Variants in TASOR observed in about 807,000 individuals in gnomAD.
The protein encoded by TASOR is protein TASOR.
A neutral mutation model predicts 178.6 loss-of-function variants in TASOR; 53 were observed. The ratio of observed to expected loss-of-function variants is 0.30; its 90% confidence interval spans 0.24 to 0.37. TASOR has a LOEUF of 0.37. Among genes scored for constraint, TASOR ranks in the 10% least tolerant of loss-of-function variants. The probability of loss-of-function intolerance (pLI) is 1.00; values close to 1 mark genes in which losing one functional copy is unlikely to be tolerated. For missense variants in TASOR, 1,815 were observed against 1,971.4 expected, an observed-to-expected ratio of 0.92 and a Z score of 1.50; for synonymous variants, 713 against 696.2, an observed-to-expected ratio of 1.02 and a Z score of -0.38.
At position 56,627,574 on chromosome 3, in the gene TASOR, C is replaced by T. The variant is rs765692614; in HGVS notation, c.4030+8G>A. ...AGGAGTTACGTGCTCAAAAGAACATCATCTTACCAACTGTGACAACCTCTG... is the reference window on the plus strand; with the variant it reads ...AGGAGTTACGTGCTCAAAAGAACATTATCTTACCAACTGTGACAACCTCTG... On this transcript the variant is annotated splice_region_variant and intron_variant, in intron 20 of 23. Coordinates refer to ENST00000683822, the MANE Select transcript of TASOR (RefSeq NM_001365635.2). 4 of 1,613,502 alleles carry T rather than the reference C, an allele frequency of 2.5e-6. No homozygotes were observed. Among genetic ancestry groups the T allele is most frequent in the Non-Finnish European group, 3.4e-6 (4 of 1,179,886 alleles).
chr3:56,648,716 G>C, intron 13 of TASOR, 106 bp downstream of exon 13: 1 of 619,186 alleles, frequency 1.6e-6, no homozygotes, highest in South Asian at 2.4e-5. Flanking sequence ...AGTATTTCCT[G>C]AAACATGAGG....
intron 20 of TASOR, 61 bp downstream of exon 20, chr3:56,627,521 G>T: frequency 6.5e-7 from 1 of 1,545,954 alleles, no homozygotes; most frequent in Non-Finnish European, 8.9e-7. Flanking sequence ...TAAATGGACA[G>T]TACATTAAAA....
chr3:56,622,977 A>T lies in TASOR; in HGVS notation c.*60T>A. ...ACAAGAACCTTTTGTTTAGAGAATG[A>T]AATATAAATTGTTAATAAACAAAGT... On this transcript the variant is annotated 3_prime_UTR_variant, in exon 24 of 24. Coordinates refer to ENST00000683822, the MANE Select transcript of TASOR (RefSeq NM_001365635.2). The T allele has an allele frequency of 8.8e-7, 1 of 1,132,516 alleles. No individual in the cohort carries two copies. Among genetic ancestry groups the T allele is most frequent in the Non-Finnish European group, 1.2e-6 (1 of 817,082 alleles). The allele number at this position is 1,132,516 out of a possible 1,614,324, so 70.2% of individuals were successfully genotyped here. A position where few individuals can be genotyped will look rare whatever the true frequency, so the allele number is the denominator to read the frequency against.
chr3:56,644,254 A>G lies in TASOR; in HGVS notation c.2215+2268T>C, dbSNP rs764643449. Among the ~76,000 whole-genome samples, 133 of 152,296 alleles carry G rather than the reference A, an allele frequency of 8.7e-4. No homozygotes were observed. The Middle Eastern group carries it at 0.01, about 12-fold the overall frequency. On this transcript the variant is annotated intron_variant, in intron 14 of 23. Coordinates refer to ENST00000683822, the MANE Select transcript of TASOR (RefSeq NM_001365635.2). The stretch of plus-strand genomic sequence containing the variant: ...GGATAATAATGCCTATCACTCAAGA[A>G]CTATTAATAAATGAGTTCATATACA...
intron 14 of TASOR, among the ~76,000 whole-genome samples, chr3:56,642,333 A>G (rs1200208704): frequency 1.3e-5 from 2 of 152,246 alleles, no homozygotes; most frequent in Non-Finnish European, 2.9e-5. Flanking sequence ...AACAAAAAGT[A>G]TTATAAGAGG....
chr3:56,663,249 T>A (rs2077637015), intron 8 of TASOR, among the ~76,000 whole-genome samples: 2 of 152,204 alleles, frequency 1.3e-5, no homozygotes, highest in African/African-American at 4.8e-5. Flanking sequence ...TCTTCTCTAA[T>A]TCTAAGTCCT....
chr3:56,668,438 T>C lies in TASOR; in HGVS notation c.856A>G (p.Ile286Val), dbSNP rs1269274332. Residue 286 changes from isoleucine (I) to valine (V), a missense_variant, in exon 6 of 24, where the codon ATT becomes GTT. Transcript: ENST00000683822. ...GCTCTGTAAGCCAAAAGTGATGTAA[T>C]TCGATTGGCATTCTTTGACACGTGA... ...ECHVSKNANRITSLLAYRAYE... is the reference protein window; with the variant it reads ...ECHVSKNANRVTSLLAYRAYE... The C allele has an allele frequency of 6.4e-6, 10 of 1,551,646 alleles. No individual in the cohort carries two copies. The East Asian group carries it at 1.7e-4, about 27-fold the overall frequency.
intron 1 of TASOR, among the ~76,000 whole-genome samples, chr3:56,675,440 G>A (rs999753718): frequency 2.6e-5 from 4 of 151,804 alleles, no homozygotes; most frequent in Non-Finnish European, 5.9e-5. Flanking sequence ...GCCTCCCAAA[G>A]TGCTGGGATT....
chr3:56,674,201 T>TAAAAAAA, intron 1 of TASOR, among the ~76,000 whole-genome samples: 2 of 111,846 alleles, frequency 1.8e-5, no homozygotes, highest in Non-Finnish European at 3.5e-5. Flanking sequence ...TCTTTAAGTT[T>TAAAAAAA]AAAAAAAAAA....
At position 56,652,026 on chromosome 3, in the gene TASOR, TACA is replaced by T. The variant is rs567339048; in HGVS notation, c.1369-2972_1369-2970del. Reference sequence around the variant, plus strand: ...AACAGAATGAAGTTCTGATATATGCTACAACATCAATGAGCCTTGAAAATTATG... The same window carrying T: ...AACAGAATGAAGTTCTGATATATGCTACATCAATGAGCCTTGAAAATTATG... On this transcript the variant is annotated intron_variant, in intron 11 of 23. Coordinates refer to ENST00000683822, the MANE Select transcript of TASOR (RefSeq NM_001365635.2). Among the ~76,000 whole-genome samples the T allele has an allele frequency of 1.6e-3, 248 of 152,336 alleles. 1 individual carries two copies. The highest frequency in any genetic ancestry group is 5.7e-3 in the African/African-American group (236 of 41,578).
chr3:56,649,776 A>G (rs2077310990), intron 11 of TASOR, among the ~76,000 whole-genome samples: 1 of 152,254 alleles, frequency 6.6e-6, no homozygotes, highest in Non-Finnish European at 1.5e-5. Context: ...GAATGGGTAC[A>G]CTGACAAGAG....
At chr3:56,626,897 A>G in intron 21 of TASOR, 140 bp downstream of exon 21, 1 of 536,344 alleles carries the variant, frequency 1.9e-6, no homozygotes. Flanking sequence ...AGAATAATTC[A>G]GTATCTATAC....
In TASOR at chr3:56,623,325, A is replaced by G. The variant is rs1434193038; in HGVS notation, c.4725T>C (p.Asp1575=). 7 of 1,613,476 alleles carry G rather than the reference A, an allele frequency of 4.3e-6. 2 individuals carry two copies. Among genetic ancestry groups the G allele is most frequent in the African/African-American group, 2.7e-5 (2 of 74,924 alleles). ...TGTTCTCTCCTTCAGAGCATACTAT[A>G]TCAATAGAAGTTCTCTCTTCAGAAT... ...YLDSEERTSI[D]IVCSEGENSN... Residue 1575 remains aspartate (D), a synonymous_variant, in exon 24 of 24, where the codon GAT becomes GAC. Transcript: ENST00000683822.
chr3:56,633,286 C>G lies in TASOR; in HGVS notation c.3505G>C (p.Glu1169Gln), dbSNP rs1295930278. 4.3e-6 allele frequency: 7 copies of G among 1,614,048 alleles called. No homozygotes were observed. Among genetic ancestry groups the G allele is most frequent in the Non-Finnish European group, 5.9e-6 (7 of 1,180,030 alleles). ...ATATGATCAGAAGTCACCATTAACT[C>G]TGTGGCATGTTGAGGCTGGTTCATT... ...VEMNQPQHAT[E>Q]LMVTSDHIVP... The change falls in exon 18 of 24, where the codon GAG becomes CAG. Residue 1169 changes from glutamate to glutamine, a missense_variant. Coordinates refer to ENST00000683822, the MANE Select transcript of TASOR (RefSeq NM_001365635.2).
chr3:56,669,843 A>G lies in TASOR; in HGVS notation c.644-52T>C, dbSNP rs1055063036. Reference sequence around the variant, plus strand: ...ACTGATTATATTTTTCAAAATCACTAGGACTAAAATAAGACATTTTTAAGA... The same window carrying G: ...ACTGATTATATTTTTCAAAATCACTGGGACTAAAATAAGACATTTTTAAGA... On this transcript the variant is annotated intron_variant, in intron 4 of 23. Transcript: ENST00000683822. 38 of 1,290,104 alleles carry G rather than the reference A, an allele frequency of 2.9e-5. No homozygotes were observed. The African/African-American group carries it at 5.0e-4, about 17-fold the overall frequency. 79.9% of individuals were successfully genotyped at this position (1,290,104 alleles called of 1,614,324 possible). A position where few individuals can be genotyped will look rare whatever the true frequency, so the allele number is the denominator to read the frequency against.
In TASOR at chr3:56,633,067, T is replaced by C; in HGVS notation, c.3724A>G (p.Ser1242Gly). 1 of 1,598,882 alleles carries C rather than the reference T, an allele frequency of 6.3e-7. No individual in the cohort carries two copies. The highest frequency in any genetic ancestry group is 8.5e-7 in the Non-Finnish European group (1 of 1,174,772). The change falls in exon 18 of 24, where the codon AGT becomes GGT. Residue 1242 changes from serine (S) to glycine (G), a missense_variant. By Grantham distance (56) the Ser-to-Gly change is moderately conservative. Transcript: ENST00000683822. ...VKFYIHEEEE[S>G]VLCKEIKEYL... is the part of the protein sequence containing the mutation. ...ACCTTTATTTCTTTACAGAGCACAC[T>C]CTCTTCTTCTTCATGAATATAAAAT... is the stretch of plus-strand genomic sequence containing the variant.
At chr3:56,673,458 A>C (rs968390715) in intron 2 of TASOR, 122 bp downstream of exon 2, 5 of 511,592 alleles carry the variant, frequency 9.8e-6, no homozygotes, top group African/African-American at 6.9e-5. Flanking sequence ...AAAAAAAAAA[A>C]CTTGTTTTCC....
At chr3:56,639,121 G>T (rs996265403) in intron 16 of TASOR, among the ~76,000 whole-genome samples, 3 of 152,158 alleles carry the variant, frequency 2.0e-5, no homozygotes, top group African/African-American at 4.8e-5. Flanking sequence ...AGTAGAAGAT[G>T]GTGCTAAAGC....
chr3:56,660,366 T>C lies in TASOR; in HGVS notation c.1368+365A>G, dbSNP rs1047254411. 7.9e-5 allele frequency among the ~76,000 whole-genome samples: 12 copies of C among 151,382 alleles called. 1 individual carries two copies. The highest frequency in any genetic ancestry group is 6.6e-4 in the Admixed American group (10 of 15,184). On this transcript the variant is annotated intron_variant, in intron 11 of 23. Coordinates refer to ENST00000683822, the MANE Select transcript of TASOR (RefSeq NM_001365635.2). ...TCAGCTGGCTGTGGTGGTGTGCACA[T>C]GTAATCCCAGCTACTCAGGAGGCTG...
Sources: gnomAD v4.1 joint callset for allele counts (sites outside exome capture counted in the v4.1 genomes callset) on GRCh38, gnomAD v4.1.1 for gene constraint, MANE v1.5 for transcripts, NCBI Gene and HGNC (gene_info 2026-07-23, HGNC 2026-07-21) for gene names.